Variants in SENP7 observed in about 807,000 individuals in gnomAD.
SENP7 encodes the protein SUMO specific peptidase 7.
A neutral mutation model predicts 141.2 loss-of-function variants in SENP7; 64 were observed. The observed-to-expected ratio is 0.45, with a 90% CI of 0.37 to 0.56. SENP7 has a LOEUF of 0.56. SENP7 is among the 20% of genes least tolerant of loss of function. The pLI is 0.00. For synonymous variants in SENP7, 382 were observed against 426.4 expected, an observed-to-expected ratio of 0.90 and a Z score of 1.28; for missense variants, 1,025 against 1,212.2, an observed-to-expected ratio of 0.85 and a Z score of 2.29.
chr3:101,428,767 C>T (rs1285221039), intron 4 of SENP7, among the ~76,000 whole-genome samples: 1 of 151,944 alleles, frequency 6.6e-6, no homozygotes, highest in African/African-American at 2.4e-5. Flanking sequence ...AATCTTTGCC[C>T]ATGCCTATGT....
chr3:101,388,165 G>A (rs999807408), intron 6 of SENP7, among the ~76,000 whole-genome samples: 6 of 152,110 alleles, frequency 3.9e-5, no homozygotes, highest in Admixed American at 1.3e-4. Flanking sequence ...ACCTGAGCAA[G>A]CCCACCTGAA....
intron 11 of SENP7, among the ~76,000 whole-genome samples, chr3:101,353,037 C>A (rs1262363014): frequency 3.9e-5 from 6 of 152,012 alleles, no homozygotes; most frequent in African/African-American, 1.4e-4. Flanking sequence ...CTTTTTCCAG[C>A]TTTAGTAAGA....
At chr3:101,425,158 C>A (rs2061919530) in intron 4 of SENP7, among the ~76,000 whole-genome samples, 1 of 152,162 alleles carries the variant, frequency 6.6e-6, no homozygotes, top group Non-Finnish European at 1.5e-5. Context: ...CCTAAGAACA[C>A]ACTAATACAC....
chr3:101,470,508 A>G (rs910600157), intron 3 of SENP7, among the ~76,000 whole-genome samples: 3 of 152,234 alleles, frequency 2.0e-5, no homozygotes, highest in East Asian at 1.9e-4. Context: ...TCTCAAAATA[A>G]TAAGAGCTAT....
intron 3 of SENP7, among the ~76,000 whole-genome samples, chr3:101,479,462 C>T (rs1255050565): frequency 6.6e-6 from 1 of 151,996 alleles, no homozygotes; most frequent in Admixed American, 6.6e-5. Flanking sequence ...AAAAATTAGC[C>T]AGGCATGATG....
intron 7 of SENP7, among the ~76,000 whole-genome samples, chr3:101,368,841 T>C (rs1280167410): frequency 6.6e-6 from 1 of 152,198 alleles, no homozygotes; most frequent in African/African-American, 2.4e-5. Flanking sequence ...GTAATTTACA[T>C]AAATACATAT....
At chr3:101,469,438 A>C (rs1209352573) in intron 3 of SENP7, among the ~76,000 whole-genome samples, 1 of 152,060 alleles carries the variant, frequency 6.6e-6, no homozygotes, top group Non-Finnish European at 1.5e-5. Flanking sequence ...ACCCCAAATC[A>C]ACAGAATATA....
chr3:101,419,763 T>C (rs1252176082), intron 4 of SENP7, among the ~76,000 whole-genome samples: 1 of 152,174 alleles, frequency 6.6e-6, no homozygotes, highest in Non-Finnish European at 1.5e-5. Flanking sequence ...ACACAGTAAG[T>C]TTCCCAAGAA....
intron 4 of SENP7, among the ~76,000 whole-genome samples, chr3:101,425,048 C>T (rs779760122): frequency 3.9e-5 from 6 of 152,180 alleles, no homozygotes; most frequent in African/African-American, 9.7e-5. Context: ...TCACCTTCTG[C>T]CATAATTGTG....
chr3:101,482,615 A>G (rs1044678219), intron 3 of SENP7, among the ~76,000 whole-genome samples: 3 of 152,250 alleles, frequency 2.0e-5, no homozygotes, highest in African/African-American at 7.2e-5. Flanking sequence ...CACAATTTTT[A>G]AAGAGAAAAA....
intron 6 of SENP7, among the ~76,000 whole-genome samples, chr3:101,395,745 C>T (rs773293737): frequency 6.6e-6 from 1 of 152,216 alleles, no homozygotes; most frequent in Non-Finnish European, 1.5e-5. Context: ...AAAGCCATAA[C>T]AATTGCTTTG....
intron 12 of SENP7, among the ~76,000 whole-genome samples, chr3:101,349,919 A>G (rs1250544528): frequency 6.6e-6 from 1 of 152,126 alleles, no homozygotes; most frequent in Non-Finnish European, 1.5e-5. Context: ...TGAAAACTCT[A>G]TTTCCTAGCT....
rs538711487 is a variant in SENP7 at position 101,413,608 on chromosome 3, C to T, written c.482+3985G>A. On this transcript the variant is annotated intron_variant, in intron 5 of 23. Transcript: ENST00000394095. ...AAGTTTGCTACAGGGAGGAAGAGAA[C>T]TAAAAATCACAACATAGTGTGATAA... Among the ~76,000 whole-genome samples the T allele has an allele frequency of 4.0e-5, 6 of 150,436 alleles. No individual in the cohort carries two copies. In the East Asian group the frequency reaches 1.2e-3, roughly 29 times the overall value.
At chr3:101,509,044 T>C (rs1314046046) in intron 1 of SENP7, among the ~76,000 whole-genome samples, 1 of 152,170 alleles carries the variant, frequency 6.6e-6, no homozygotes, top group Admixed American at 6.5e-5. Context: ...CCTTTCCCTA[T>C]ATCTCACCAA....
At chr3:101,327,954 A>T in intron 22 of SENP7, 138 bp from the exon 23 acceptor site, 1 of 598,446 alleles carries the variant, frequency 1.7e-6, no homozygotes, top group Non-Finnish European at 2.8e-6. Context: ...TTAGCAGTGC[A>T]ACCTACATTT....
intron 11 of SENP7, among the ~76,000 whole-genome samples, chr3:101,352,242 C>A (rs2059631050): frequency 6.6e-6 from 1 of 151,952 alleles, no homozygotes; most frequent in South Asian, 2.1e-4. Context: ...CACATAAAAG[C>A]AGAACTAAAA....
Position 101,328,458 on chromosome 3 carries a change from G to A in SENP7, c.2864+20C>T, listed in dbSNP as rs1184914445. On this transcript the variant is annotated intron_variant, in intron 22 of 23. Transcript: ENST00000394095. ...AGGTTTTAGATAACAGACTGGAATG[G>A]TAAAATTGTCATTACTTACTCTCGT... 6.3e-7 allele frequency: 1 copy of A among 1,593,914 alleles called. No homozygotes were observed. The highest frequency in any genetic ancestry group is 1.3e-5 in the African/African-American group (1 of 74,434).
chr3:101,493,764 G>C (rs1231277159), intron 3 of SENP7, 109 bp downstream of exon 3: 2 of 629,546 alleles, frequency 3.2e-6, no homozygotes. Context: ...AATAACACAA[G>C]AAAACCAAAA....
chr3:101,398,790 G>C, intron 6 of SENP7, 71 bp downstream of exon 6: 4 of 1,125,716 alleles, frequency 3.6e-6, no homozygotes, highest in Non-Finnish European at 1.2e-6. Context: ...TAATGTATCT[G>C]TGAAAAAGAA....
Sources: gnomAD v4.1 joint callset for allele counts (sites outside exome capture counted in the v4.1 genomes callset) on GRCh38, gnomAD v4.1.1 for gene constraint, MANE v1.5 for transcripts, NCBI Gene and HGNC (gene_info 2026-07-23, HGNC 2026-07-21) for gene names.